Variants in COPS3 observed in about 807,000 individuals in gnomAD.
COPS3 encodes the protein COP9 signalosome subunit 3.
A neutral mutation model predicts 58.2 loss-of-function variants in COPS3; 10 were observed. That is an observed-to-expected ratio of 0.17 (90% CI 0.11 to 0.29). COPS3 has a LOEUF of 0.29. COPS3 is among the 10% of genes least tolerant of loss of function. The probability of loss-of-function intolerance (pLI) is 1.00; values close to 1 mark genes in which losing one functional copy is unlikely to be tolerated. For synonymous variants in COPS3, 187 were observed against 181.7 expected (o/e 1.03, Z -0.24); for missense variants, 333 against 510.1 (o/e 0.65, Z 3.34).
intron 5 of COPS3, 42 bp from the exon 6 acceptor site, chr17:17,265,023 T>C: frequency 3.2e-6 from 5 of 1,545,660 alleles, no homozygotes; most frequent in Non-Finnish European, 4.4e-6. Context: ...TAATTTTACT[T>C]AGGCAGGTAT....
chr17:17,263,510 C>T (rs200456856), intron 6 of COPS3, among the ~76,000 whole-genome samples: 12,499 of 98,512 alleles, frequency 0.13, 872 homozygotes, highest in South Asian at 0.24. Flanking sequence ...CTTGCCTTTT[C>T]TTTTTTTTTT....
At chr17:17,280,725 G>C (rs1333421668) in intron 1 of COPS3, 1 of 1,252,620 alleles carries the variant, frequency 8.0e-7, no homozygotes. Context: ...CGGCGGCCTA[G>C]TCAGCAAGCT....
rs142280751 is a variant in COPS3, at chr17:17,279,677, C to T, written c.55+1455G>A. Among the ~76,000 whole-genome samples the T allele has an allele frequency of 8.6e-3, 1,312 of 152,326 alleles. 20 individuals carry two copies. The highest frequency in any genetic ancestry group is 0.029 in the African/African-American group (1,188 of 41,564). ...GTCCAAGGTCAAGCAGCTCCTAGAA[C>T]TTTGCAATTAATGACGGTAACAATA... On this transcript the variant is annotated intron_variant, in intron 1 of 11. Transcript: ENST00000268717.
chr17:17,275,340 G>A (rs1597703070), intron 2 of COPS3, among the ~76,000 whole-genome samples: 2 of 152,154 alleles, frequency 1.3e-5, no homozygotes, highest in African/African-American at 4.8e-5. Context: ...ACCTGCCTCT[G>A]CCTCCCAAAA....
chr17:17,247,495 A>T lies in COPS3; in HGVS notation c.1203T>A (p.Pro401=). Residue 401 remains proline, a synonymous_variant, in exon 11 of 12, where the codon CCT becomes CCA. Transcript: ENST00000268717. Reference sequence around the variant, plus strand: ...CCCTCATCACCTTTTGTACAAACTGAGGGTTCACTGTGATCTCCTGGTCCA... The same window carrying T: ...CCCTCATCACCTTTTGTACAAACTGTGGGTTCACTGTGATCTCCTGGTCCA... ...KAMDQEITVN[P]QFVQKSMGSQ... is the part of the protein sequence containing the mutation. 6.2e-7 allele frequency: 1 copy of T among 1,614,220 alleles called. No homozygotes were observed. Among genetic ancestry groups the T allele is most frequent in the Non-Finnish European group, 8.5e-7 (1 of 1,180,032 alleles).
chr17:17,249,131 A>G, intron 9 of COPS3, 92 bp from the exon 10 acceptor site: 1 of 690,474 alleles, frequency 1.4e-6, no homozygotes, highest in East Asian at 2.5e-5. Flanking sequence ...AAAGCATGGA[A>G]GGCAACATGG....
At chr17:17,270,338 A>G (rs1230135799) in intron 4 of COPS3, among the ~76,000 whole-genome samples, 2 of 152,214 alleles carry the variant, frequency 1.3e-5, no homozygotes, top group Admixed American at 6.5e-5. Context: ...AAAAAAAAGA[A>G]TAAGTGCGGT....
intron 6 of COPS3, among the ~76,000 whole-genome samples, chr17:17,263,692 T>C (rs2048160329): frequency 6.6e-6 from 1 of 151,430 alleles, no homozygotes; most frequent in African/African-American, 2.4e-5. Flanking sequence ...TTTTGTATTT[T>C]TAGTAGAGAT....
At chr17:17,249,659 AT>A (rs1412832318) in intron 9 of COPS3, among the ~76,000 whole-genome samples, 1 of 151,996 alleles carries the variant, frequency 6.6e-6, no homozygotes, top group Non-Finnish European at 1.5e-5. Context: ...CGCCTGGCTA[AT>A]TTTGTATTTT....
chr17:17,277,529 C>T (rs1361596617), intron 1 of COPS3, among the ~76,000 whole-genome samples: 1 of 152,128 alleles, frequency 6.6e-6, no homozygotes, highest in Non-Finnish European at 1.5e-5. Context: ...GCAATCCTCC[C>T]ACCTTAGCCT....
intron 1 of COPS3, chr17:17,280,496 G>C: frequency 8.9e-7 from 1 of 1,129,054 alleles, no homozygotes; most frequent in Non-Finnish European, 1.1e-6. Context: ...GGAGGCTGAG[G>C]TTGCAGTGAG....
At chr17:17,271,895 A>AAATAATATATATT (rs2048360826) in intron 2 of COPS3, among the ~76,000 whole-genome samples, 2 of 101,502 alleles carry the variant, frequency 2.0e-5, no homozygotes, top group Non-Finnish European at 5.3e-5. Context: ...AATATATATT[A>AAATAATATATATT]AATAATAAAC....
intron 6 of COPS3, among the ~76,000 whole-genome samples, chr17:17,263,334 G>A (rs1030504421): frequency 6.6e-6 from 1 of 151,438 alleles, no homozygotes; most frequent in African/African-American, 2.4e-5. Context: ...CTGAGTAGCT[G>A]GGATTACAGG....
chr17:17,263,794 G>A (rs535702094), intron 6 of COPS3, among the ~76,000 whole-genome samples: 24 of 152,148 alleles, frequency 1.6e-4, no homozygotes, highest in African/African-American at 4.3e-4. Flanking sequence ...GATTACAGGC[G>A]TGAGCCACCG....
intron 8 of COPS3, among the ~76,000 whole-genome samples, chr17:17,256,884 C>T (rs1228706839): frequency 1.3e-5 from 2 of 152,146 alleles, no homozygotes; most frequent in African/African-American, 2.4e-5. Flanking sequence ...AGCCACTGTG[C>T]CTGGCCATAA....
At position 17,247,498 on chromosome 17, in the gene COPS3, G is replaced by A. The variant is rs1175557911; in HGVS notation, c.1200C>T (p.Asn400=). 2 of 1,614,204 alleles carry A rather than the reference G, an allele frequency of 1.2e-6. No individual in the cohort carries two copies. Among genetic ancestry groups the A allele is most frequent in the Admixed American group, 1.7e-5 (1 of 60,022 alleles). Residue 400 remains asparagine (N), a synonymous_variant, in exon 11 of 12, where the codon AAC becomes AAT. Transcript: ENST00000268717. The part of the protein sequence containing the change: ...LKAMDQEITV[N]PQFVQKSMGS... ...TCATCACCTTTTGTACAAACTGAGGGTTCACTGTGATCTCCTGGTCCATGG... is the reference window on the plus strand; with the variant it reads ...TCATCACCTTTTGTACAAACTGAGGATTCACTGTGATCTCCTGGTCCATGG...
chr17:17,279,121 G>A (rs977109616), intron 1 of COPS3, among the ~76,000 whole-genome samples: 2 of 152,070 alleles, frequency 1.3e-5, no homozygotes, highest in African/African-American at 2.4e-5. Flanking sequence ...TGATCCGCCC[G>A]CCTCGGCCTC....
intron 1 of COPS3, among the ~76,000 whole-genome samples, chr17:17,278,825 G>T (rs1440543259): frequency 1.3e-5 from 2 of 151,564 alleles, no homozygotes. Flanking sequence ...GTGTCACAGA[G>T]TGCATTTGAA....
intron 5 of COPS3, among the ~76,000 whole-genome samples, chr17:17,266,410 A>G (rs1447382393): frequency 2.0e-5 from 3 of 152,254 alleles, no homozygotes. Flanking sequence ...TTTCCTTTGT[A>G]GAGAAGAAAT....
Sources: gnomAD v4.1 joint callset for allele counts (sites outside exome capture counted in the v4.1 genomes callset) on GRCh38, gnomAD v4.1.1 for gene constraint, MANE v1.5 for transcripts, NCBI Gene and HGNC (gene_info 2026-07-23, HGNC 2026-07-21) for gene names.